CDC27: variants seen among roughly 807,000 people sequenced by gnomAD.
The protein encoded by CDC27 is cell division cycle 27.
Under a neutral mutation model 109.7 loss-of-function variants are expected in CDC27, and 27 were observed. That is an observed-to-expected ratio of 0.25 (90% confidence interval 0.18 to 0.34). The LOEUF (loss-of-function observed/expected upper bound fraction) is 0.34, where lower values mean the gene tolerates loss of function less well. CDC27 is among the 10% of genes least tolerant of loss of function. The pLI is 1.00. For missense variants in CDC27, 579 were observed against 960.2 expected, an observed-to-expected ratio of 0.60 and a Z score of 5.25; for synonymous variants, 266 against 333.9, an observed-to-expected ratio of 0.80 and a Z score of 2.22.
At chr17:47,132,922 C>T (rs946511236) in intron 14 of CDC27, among the ~76,000 whole-genome samples, 7 of 139,520 alleles carry the variant, frequency 5.0e-5, no homozygotes, top group East Asian at 4.1e-4. Context: ...TACAGGTGCA[C>T]GCCACCAGGC....
intron 12 of CDC27, among the ~76,000 whole-genome samples, chr17:47,140,188 G>A (rs1320781640): frequency 1.3e-5 from 2 of 152,128 alleles, no homozygotes; most frequent in East Asian, 3.8e-4. Flanking sequence ...AAAGGTAAGT[G>A]TGCAGCCTTG....
chr17:47,160,276 G>A (rs934407620), intron 4 of CDC27, among the ~76,000 whole-genome samples: 1 of 148,336 alleles, frequency 6.7e-6, no homozygotes, highest in African/African-American at 2.5e-5. Flanking sequence ...TGCCCAGGCT[G>A]GAGTGCAGTG....
intron 4 of CDC27, among the ~76,000 whole-genome samples, chr17:47,167,562 T>C (rs915703004): frequency 1.3e-5 from 2 of 152,236 alleles, no homozygotes; most frequent in African/African-American, 4.8e-5. Flanking sequence ...ATTTGAACAA[T>C]ATAATGCTCA....
At chr17:47,125,057 A>G (rs1227571308) in intron 16 of CDC27, among the ~76,000 whole-genome samples, 1 of 151,368 alleles carries the variant, frequency 6.6e-6, no homozygotes, top group South Asian at 2.1e-4. Context: ...AGCTGGGATT[A>G]CAGGGGCTTA....
intron 14 of CDC27, among the ~76,000 whole-genome samples, chr17:47,134,486 T>TG (rs1292456319): frequency 3.8e-4 from 58 of 150,902 alleles, no homozygotes; most frequent in African/African-American, 1.3e-3. Flanking sequence ...TTTTTTTTTG[T>TG]TTTGTTTTGT....
chr17:47,185,616 G>T (rs2064406262), intron 1 of CDC27, among the ~76,000 whole-genome samples: 1 of 151,392 alleles, frequency 6.6e-6, no homozygotes, highest in Admixed American at 6.6e-5. Context: ...TTTATTTGTT[G>T]GTCTTGAACT....
At chr17:47,173,456 G>C (rs1394017129) in intron 2 of CDC27, among the ~76,000 whole-genome samples, 1 of 151,192 alleles carries the variant, frequency 6.6e-6, no homozygotes, top group African/African-American at 2.4e-5. Flanking sequence ...ATTTACATAA[G>C]TTAGAAAGTT....
chr17:47,137,449 GA>G, intron 13 of CDC27, 89 bp from the exon 14 acceptor site: 1 of 653,762 alleles, frequency 1.5e-6, no homozygotes, highest in Non-Finnish European at 2.4e-6. Flanking sequence ...CCTCAACTTA[GA>G]ACAGAAAGAC....
At chr17:47,170,079 T>C (rs368080491) in intron 3 of CDC27, 37 bp from the exon 4 acceptor site, 14 of 1,420,110 alleles carry the variant, frequency 9.9e-6, no homozygotes, top group Non-Finnish European at 1.2e-5. Flanking sequence ...TAAAAACCAA[T>C]ATAAAAAGCA....
chr17:47,133,682 C>T (rs1483395182), intron 14 of CDC27, among the ~76,000 whole-genome samples: 1 of 151,772 alleles, frequency 6.6e-6, no homozygotes, highest in Non-Finnish European at 1.5e-5. Context: ...AGGTGATCCG[C>T]CCGCCTCGGC....
At chr17:47,146,913 A>T (rs955131279) in intron 9 of CDC27, among the ~76,000 whole-genome samples, 2 of 152,036 alleles carry the variant, frequency 1.3e-5, no homozygotes, top group East Asian at 3.9e-4. Flanking sequence ...AAACTAAAAA[A>T]AAATTAGCCA....
At chr17:47,188,303 CAG>C (rs1027458627) in intron 1 of CDC27, among the ~76,000 whole-genome samples, 2 of 152,082 alleles carry the variant, frequency 1.3e-5, no homozygotes, top group African/African-American at 4.8e-5. Flanking sequence ...CTCCAGATGT[CAG>C]GGGGGAAAAT....
In CDC27 at chr17:47,189,282, G is replaced by A. The variant is rs2064586891; in HGVS notation, c.-110C>T. On this transcript the variant is annotated 5_prime_UTR_variant, in exon 1 of 19. Transcript: ENST00000066544. ...TCACCAGCGACCGTTACCGGGGGAT[G>A]GGGGAGGCCGAGCGATTGCCGAGTG... 1.2e-6 allele frequency: 1 copy of A among 843,190 alleles called. No individual in the cohort carries two copies. The highest frequency in any genetic ancestry group is 1.7e-5 in the African/African-American group (1 of 60,452). The allele number at this position is 843,190 out of a possible 1,614,324, so 52.2% of individuals were successfully genotyped here.
chr17:47,186,011 C>T (rs2064420886), intron 1 of CDC27, among the ~76,000 whole-genome samples: 2 of 152,178 alleles, frequency 1.3e-5, no homozygotes, highest in Admixed American at 1.3e-4. Flanking sequence ...CAGCTTCCAA[C>T]AAAGTATTAG....
intron 2 of CDC27, 25 bp from the exon 3 acceptor site, chr17:47,172,089 G>A (rs757731447): frequency 3.3e-6 from 5 of 1,507,858 alleles, no homozygotes; most frequent in Non-Finnish European, 4.4e-6. Context: ...TTTTTAAAAA[G>A]GCTATTGTTC....
intron 2 of CDC27, among the ~76,000 whole-genome samples, chr17:47,174,866 C>A (rs1214055409): frequency 2.0e-5 from 3 of 151,900 alleles, no homozygotes; most frequent in African/African-American, 4.8e-5. Flanking sequence ...TGAGGCAGAA[C>A]AATCACTTAA....
chr17:47,134,474 GTTTT>G (rs112150744), intron 14 of CDC27, among the ~76,000 whole-genome samples: 3 of 146,768 alleles, frequency 2.0e-5, no homozygotes, highest in South Asian at 4.3e-4. Context: ...ATGCCTAATT[GTTTT>G]TTTTTTGTTT....
chr17:47,135,955 A>G (rs2062572516), intron 14 of CDC27, among the ~76,000 whole-genome samples: 1 of 152,124 alleles, frequency 6.6e-6, no homozygotes. Context: ...CCTGGCTAAC[A>G]TGGTGAAATC....
At position 47,157,342 on chromosome 17, in the gene CDC27, A is replaced by G. The variant is rs749389340; in HGVS notation, c.518T>C (p.Leu173Ser). The change falls in exon 6 of 19, where the codon TTA becomes TCA. Residue 173 changes from leucine to serine, a missense_variant. By Grantham distance (145) the Leu-to-Ser change is moderately radical. Transcript: ENST00000066544. ...DPDQTFKFTS[L>S]QNFSNCLPNS... is the part of the protein sequence containing the mutation. ...GGGCAGACAGTTGCTAAAGTTCTGT[A>G]AAGATGTGAATTTAAATGTTTGGTC... The G allele has an allele frequency of 9.3e-6, 15 of 1,613,574 alleles. No homozygotes were observed. Among genetic ancestry groups the G allele is most frequent in the South Asian group, 1.1e-5 (1 of 91,046 alleles).
Sources: gnomAD v4.1 joint callset for allele counts (sites outside exome capture counted in the v4.1 genomes callset) on GRCh38, gnomAD v4.1.1 for gene constraint, MANE v1.5 for transcripts, NCBI Gene and HGNC (gene_info 2026-07-23, HGNC 2026-07-21) for gene names.